PPARA: variants seen among roughly 807,000 people sequenced by gnomAD.
PPARA encodes peroxisome proliferator-activated receptor alpha.
PPARA carries 22 observed loss-of-function variants against 42.2 expected under a neutral mutation model. The observed-to-expected ratio is 0.52, with a 90% CI of 0.37 to 0.74. The LOEUF is 0.74. Among genes scored for constraint, PPARA ranks in the 30% least tolerant of loss-of-function variants. The probability of loss-of-function intolerance (pLI) is 0.00; values close to 1 mark genes in which losing one functional copy is unlikely to be tolerated. For synonymous variants in PPARA, 242 were observed against 239.3 expected (o/e 1.01, Z -0.10); for missense variants, 465 against 608.2 (o/e 0.76, Z 2.48).
rs376752146 is a variant in PPARA at position 46,230,914 on chromosome 22, G to A, written c.712-878G>A. 7.9e-5 allele frequency among the ~76,000 whole-genome samples: 12 copies of A among 152,258 alleles called. No homozygotes were observed. The East Asian group carries it at 1.9e-3, about 24-fold the overall frequency. The stretch of plus-strand genomic sequence containing the variant: ...TGTTCACCCCTAAAGTGCATATACT[G>A]GTAAAATTAAGAATGATCGTAATTA... On this transcript the variant is annotated intron_variant, in intron 7 of 8. Coordinates refer to ENST00000407236, the MANE Select transcript of PPARA (RefSeq NM_005036.6). This position sits in a 1 kb window ranked among gnomAD's most constrained non-coding sequence, Gnocchi z 5.0.
At chr22:46,170,515 C>G (rs1006434963) in intron 2 of PPARA, among the ~76,000 whole-genome samples, 2 of 146,334 alleles carry the variant, frequency 1.4e-5, no homozygotes, top group Non-Finnish European at 3.0e-5. Context: ...TCCCAAAGTG[C>G]TGGGATTACA....
intron 4 of PPARA, among the ~76,000 whole-genome samples, chr22:46,199,817 A>C (rs1369183336): frequency 2.6e-5 from 4 of 152,004 alleles, no homozygotes; most frequent in Non-Finnish European, 4.4e-5. Flanking sequence ...CCATCTTCCG[A>C]GCTCAAGCAG....
rs1400070581 is a variant in PPARA, at chr22:46,180,421, A to G, written c.-43+3585A>G. ...CTCCCCCACTGAAGTTAGAGTTAAG[A>G]AAGAATATTAATTTTCCTTGTGTGA... On this transcript the variant is annotated intron_variant, in intron 3 of 8. Coordinates refer to ENST00000407236, the MANE Select transcript of PPARA (RefSeq NM_005036.6). This position sits in a 1 kb window ranked among gnomAD's most constrained non-coding sequence, Gnocchi z 4.2. 6.6e-6 allele frequency among the ~76,000 whole-genome samples: 1 copy of G among 152,220 alleles called. No homozygotes were observed.
At chr22:46,198,938 C>T (rs1313340900) in intron 4 of PPARA, among the ~76,000 whole-genome samples, 3 of 152,098 alleles carry the variant, frequency 2.0e-5, no homozygotes, top group Non-Finnish European at 2.9e-5. Context: ...GGATTATAGG[C>T]GTGAGCCACC....
intron 4 of PPARA, among the ~76,000 whole-genome samples, chr22:46,208,632 G>A (rs557175792): frequency 1.6e-4 from 25 of 151,704 alleles, no homozygotes; most frequent in Non-Finnish European, 2.9e-4. Flanking sequence ...ATAGTGGGTA[G>A]TAGATCACTA....
rs1158744441 is a variant in PPARA, at chr22:46,194,568, CTT to C, written c.-42-3754_-42-3753del. Among the ~76,000 whole-genome samples, 271 of 125,482 alleles carry C rather than the reference CTT, an allele frequency of 2.2e-3. 1 individual carries two copies. The highest frequency in any genetic ancestry group is 7.0e-3 in the African/African-American group (230 of 32,974). The allele number at this position is 125,482 out of a possible 152,430, so 82.3% of individuals were successfully genotyped here. On this transcript the variant is annotated intron_variant, in intron 3 of 8. Transcript: ENST00000407236. The stretch of plus-strand genomic sequence containing the variant: ...TCTCTGCCCATCTACTTGCTTTTTC[CTT>C]TTTTTTTTTTTTTTTTTTTGTGACA...
In PPARA at chr22:46,236,564, C is replaced by A. The variant is rs1221316528; in HGVS notation, c.*1184C>A. 3 of 152,666 alleles carry A rather than the reference C, an allele frequency of 2.0e-5. No homozygotes were observed. The highest frequency in any genetic ancestry group is 2.0e-4 in the Admixed American group (3 of 15,278). The allele number at this position is 152,666 out of a possible 1,614,324, so 9.5% of individuals were successfully genotyped here. A position where few individuals can be genotyped will look rare whatever the true frequency, so the allele number is the denominator to read the frequency against. On this transcript the variant is annotated 3_prime_UTR_variant, in exon 9 of 9. Coordinates refer to ENST00000407236, the MANE Select transcript of PPARA (RefSeq NM_005036.6). The surrounding 1 kb of genome is among the most constrained non-coding windows in gnomAD (Gnocchi z 5.2). ...TGGTGTTCTTAGGGACAGACTGACACCTTACTTGTCAGTGTTCCTCCGGGC... is the reference window on the plus strand; with the variant it reads ...TGGTGTTCTTAGGGACAGACTGACAACTTACTTGTCAGTGTTCCTCCGGGC...
At position 46,167,210 on chromosome 22, in the gene PPARA, C is replaced by T. The variant is rs1009143255; in HGVS notation, c.-126-9543C>T. ...AAGAACCTCAACCTTCAGCTCACAGCACTACAAACTCATAATTATTATCAT... is the reference window on the plus strand; with the variant it reads ...AAGAACCTCAACCTTCAGCTCACAGTACTACAAACTCATAATTATTATCAT... On this transcript the variant is annotated intron_variant, in intron 2 of 8. Transcript: ENST00000407236. This position sits in a 1 kb window ranked among gnomAD's most constrained non-coding sequence, Gnocchi z 4.1. Among the ~76,000 whole-genome samples the T allele has an allele frequency of 2.0e-5, 3 of 151,490 alleles. No homozygotes were observed. The highest frequency in any genetic ancestry group is 7.3e-5 in the African/African-American group (3 of 41,252).
intron 5 of PPARA, among the ~76,000 whole-genome samples, chr22:46,215,584 C>CA (rs975595434): frequency 6.7e-6 from 1 of 150,354 alleles, no homozygotes; most frequent in East Asian, 2.0e-4. Context: ...CTAAAAATAC[C>CA]AAAAAAAATT....
chr22:46,177,188 G>C (rs189806209), intron 3 of PPARA, among the ~76,000 whole-genome samples: 113 of 152,138 alleles, frequency 7.4e-4, no homozygotes, highest in African/African-American at 2.6e-3. Flanking sequence ...TCCAGCCTGG[G>C]CAACAAAGTG....
rs749515373 is a variant in PPARA, at chr22:46,216,203, T to G, written c.369+870T>G. ...TTCAAGACCAGCCTGGCCAACATGG[T>G]GAAACCCTGTCTCTACTAAAAATAC... is the stretch of plus-strand genomic sequence containing the variant. On this transcript the variant is annotated intron_variant, in intron 5 of 8. Transcript: ENST00000407236. The surrounding 1 kb of genome is among the most constrained non-coding windows in gnomAD (Gnocchi z 4.5). Among the ~76,000 whole-genome samples the G allele has an allele frequency of 6.6e-6, 1 of 151,868 alleles. No individual in the cohort carries two copies. The highest frequency in any genetic ancestry group is 1.5e-5 in the Non-Finnish European group (1 of 67,962).
In PPARA at chr22:46,231,440, C is replaced by T. The variant is rs1002099482; in HGVS notation, c.712-352C>T. 7.9e-5 allele frequency among the ~76,000 whole-genome samples: 12 copies of T among 152,048 alleles called. No individual in the cohort carries two copies. Among genetic ancestry groups the T allele is most frequent in the South Asian group, 6.2e-4 (3 of 4,826 alleles). Reference sequence around the variant, plus strand: ...TTCACCATGCTGGCCAGGCTGGTCTCGAACTCTTGACCTCAGGTAAACCAC... The same window carrying T: ...TTCACCATGCTGGCCAGGCTGGTCTTGAACTCTTGACCTCAGGTAAACCAC... On this transcript the variant is annotated intron_variant, in intron 7 of 8. Coordinates refer to ENST00000407236, the MANE Select transcript of PPARA (RefSeq NM_005036.6). This position sits in a 1 kb window ranked among gnomAD's most constrained non-coding sequence, Gnocchi z 7.7.
chr22:46,241,800 A>G lies in PPARA; in HGVS notation c.*6420A>G, dbSNP rs1936376986. On this transcript the variant is annotated 3_prime_UTR_variant, in exon 9 of 9. Coordinates refer to ENST00000407236, the MANE Select transcript of PPARA (RefSeq NM_005036.6). The surrounding 1 kb of genome is among the most constrained non-coding windows in gnomAD (Gnocchi z 5.7). Reference sequence around the variant, plus strand: ...TGCATCCTTTTGGAGTCCTTTGCCAACAAAAACAGACCAACAGACCAGATG... The same window carrying G: ...TGCATCCTTTTGGAGTCCTTTGCCAGCAAAAACAGACCAACAGACCAGATG... 1 of 152,126 alleles carries G rather than the reference A, an allele frequency of 6.6e-6. No homozygotes were observed. The highest frequency in any genetic ancestry group is 2.4e-5 in the African/African-American group (1 of 41,400). 9.4% of individuals were successfully genotyped at this position (152,126 alleles called of 1,614,324 possible).
chr22:46,217,387 T>A (rs772462086), intron 5 of PPARA, among the ~76,000 whole-genome samples: 24 of 152,258 alleles, frequency 1.6e-4, no homozygotes, highest in Non-Finnish European at 2.9e-4. Context: ...AAAGTGGCCT[T>A]TTCCTTAGGG....
At chr22:46,174,791 T>C (rs1259354585) in intron 2 of PPARA, among the ~76,000 whole-genome samples, 1 of 152,180 alleles carries the variant, frequency 6.6e-6, no homozygotes, top group African/African-American at 2.4e-5. Context: ...CACTCTAGCC[T>C]GGGCAACAGA....
At chr22:46,176,544 A>G (rs1243033878) in intron 2 of PPARA, among the ~76,000 whole-genome samples, 4 of 152,124 alleles carry the variant, frequency 2.6e-5, no homozygotes, top group Non-Finnish European at 5.9e-5. Context: ...TTATTAGATT[A>G]TATACTCTGT....
rs1029593763 is a variant in PPARA at position 46,171,343 on chromosome 22, A to G, written c.-126-5410A>G. 26 of 152,248 alleles carry G rather than the reference A, an allele frequency of 1.7e-4. No homozygotes were observed. The highest frequency in any genetic ancestry group is 6.3e-4 in the African/African-American group (26 of 41,432). 9.4% of individuals were successfully genotyped at this position (152,248 alleles called of 1,614,324 possible). A position where few individuals can be genotyped will look rare whatever the true frequency, so the allele number is the denominator to read the frequency against. On this transcript the variant is annotated intron_variant, in intron 2 of 8. Transcript: ENST00000407236. The surrounding 1 kb of genome is among the most constrained non-coding windows in gnomAD (Gnocchi z 5.0). ...CTTCTCTGTACCAGGCATTGTTCTA[A>G]GATACGTAAGTGAACAAAACCCATG...
rs112171290 is a variant in PPARA at position 46,242,508 on chromosome 22, C to T, written c.*7128C>T. 1,408 of 151,694 alleles carry T rather than the reference C, an allele frequency of 9.3e-3. 13 individuals are homozygous for T. Among genetic ancestry groups the T allele is most frequent in the Middle Eastern group, 0.017 (5 of 292 alleles). 9.4% of individuals were successfully genotyped at this position (151,694 alleles called of 1,614,324 possible). On this transcript the variant is annotated 3_prime_UTR_variant, in exon 9 of 9. Coordinates refer to ENST00000407236, the MANE Select transcript of PPARA (RefSeq NM_005036.6). The surrounding 1 kb of genome is among the most constrained non-coding windows in gnomAD (Gnocchi z 6.1). Reference sequence around the variant, plus strand: ...CTACATTGTGTGGTAAAAAGAACTACGTTAATAGCTATATCTTAAATACTG... The same window carrying T: ...CTACATTGTGTGGTAAAAAGAACTATGTTAATAGCTATATCTTAAATACTG...
In PPARA at chr22:46,177,069, G is replaced by A. The variant is rs4253671; in HGVS notation, c.-43+233G>A. The stretch of plus-strand genomic sequence containing the variant: ...ACTACAAATACAAAAAAATTAGCCG[G>A]GCATGGTGGCAGGCGCCTGTAGTCC... On this transcript the variant is annotated intron_variant, in intron 3 of 8. Coordinates refer to ENST00000407236, the MANE Select transcript of PPARA (RefSeq NM_005036.6). 1.8e-3 allele frequency among the ~76,000 whole-genome samples: 268 copies of A among 152,110 alleles called. 1 individual carries two copies. Among genetic ancestry groups the A allele is most frequent in the African/African-American group, 6.3e-3 (260 of 41,466 alleles).
Sources: allele counts gnomAD v4.1 joint callset (sites outside exome capture counted in the v4.1 genomes callset), GRCh38; gene constraint gnomAD v4.1.1; non-coding constraint Gnocchi (gnomAD v3.1); transcripts MANE v1.5; gene names NCBI Gene and HGNC (gene_info 2026-07-23, HGNC 2026-07-21).